The following PDCD1LG2 variants were observed in gnomAD, a reference collection of about 807,000 sequenced individuals.
The protein encoded by PDCD1LG2 is B7 dendritic cell molecule.
A neutral mutation model predicts 28.2 loss-of-function variants in PDCD1LG2; 32 were observed. The observed-to-expected ratio is 1.13, with a 90% CI of 0.86 to 1.52. The LOEUF (loss-of-function observed/expected upper bound fraction) is 1.52. Among genes scored for constraint, PDCD1LG2 ranks in the 40% most tolerant of loss-of-function variants. The probability of loss-of-function intolerance (pLI) is 0.00; values close to 1 mark genes in which losing one functional copy is unlikely to be tolerated. For missense variants in PDCD1LG2, 385 were observed against 323.8 expected (o/e 1.19, Z -1.45); for synonymous variants, 116 against 120.2 (o/e 0.97, Z 0.23).
chr9:5,549,369 G>A lies in PDCD1LG2; in HGVS notation c.396G>A (p.Lys132=), dbSNP rs1816276419. 2.5e-6 allele frequency: 4 copies of A among 1,613,998 alleles called. 1 individual carries two copies. The South Asian group carries it at 3.3e-5, about 13-fold the overall frequency. The part of the protein sequence containing the change: ...SYRKINTHIL[K]VPETDEVELT... ...GGAAAATAAACACTCACATCCTAAA[G>A]GTTCCAGAAACAGATGAGGTAGAGC... Residue 132 remains lysine (K), a synonymous_variant, in exon 4 of 7, where the codon AAG becomes AAA. Coordinates refer to ENST00000397747, the MANE Select transcript of PDCD1LG2 (RefSeq NM_025239.4).
At chr9:5,512,644 C>G (rs1820083883) in intron 1 of PDCD1LG2, among the ~76,000 whole-genome samples, 1 of 152,184 alleles carries the variant, frequency 6.6e-6, no homozygotes, top group Non-Finnish European at 1.5e-5. Flanking sequence ...TCAATATTAA[C>G]TAACATTTCC....
At chr9:5,521,059 C>T (rs557350260) in intron 1 of PDCD1LG2, among the ~76,000 whole-genome samples, 19 of 152,242 alleles carry the variant, frequency 1.2e-4, no homozygotes, top group South Asian at 2.1e-4. Context: ...CTGATATATG[C>T]TACAATACAG....
At chr9:5,560,387 T>C (rs1285861301) in intron 5 of PDCD1LG2, among the ~76,000 whole-genome samples, 3 of 152,234 alleles carry the variant, frequency 2.0e-5, no homozygotes, top group African/African-American at 7.2e-5. Context: ...AGTTGCTGTC[T>C]ACTCCGGCCA....
rs576795425 is a variant in PDCD1LG2, at chr9:5,567,927, G to A, written c.817-2027G>A. 2.5e-3 allele frequency among the ~76,000 whole-genome samples: 379 copies of A among 152,262 alleles called. 2 individuals are homozygous for A. The highest frequency in any genetic ancestry group is 4.4e-3 in the Non-Finnish European group (302 of 68,002). ...TATATACTTTTGGTCCAGTCTTTAC[G>A]TTTTTTGTTTTGTTTTGTTTGTTTT... is the stretch of plus-strand genomic sequence containing the variant. On this transcript the variant is annotated intron_variant, in intron 6 of 6. Coordinates refer to ENST00000397747, the MANE Select transcript of PDCD1LG2 (RefSeq NM_025239.4).
chr9:5,541,836 T>C (rs1424068152), intron 3 of PDCD1LG2, among the ~76,000 whole-genome samples: 2 of 151,968 alleles, frequency 1.3e-5, no homozygotes, highest in South Asian at 2.1e-4. Flanking sequence ...AATCCTAAAA[T>C]TCATATGGAA....
intron 3 of PDCD1LG2, among the ~76,000 whole-genome samples, chr9:5,540,460 G>C (rs997900613): frequency 2.6e-5 from 4 of 151,942 alleles, no homozygotes; most frequent in Non-Finnish European, 4.4e-5. Flanking sequence ...TATTTGAAAA[G>C]ATAAATAAAA....
At chr9:5,542,437 T>A (rs866012128) in intron 3 of PDCD1LG2, among the ~76,000 whole-genome samples, 15 of 152,196 alleles carry the variant, frequency 9.9e-5, no homozygotes, top group African/African-American at 2.4e-4. Flanking sequence ...AATCTATACA[T>A]CTGACAAAGG....
At chr9:5,545,566 G>A (rs935789780) in intron 3 of PDCD1LG2, among the ~76,000 whole-genome samples, 1 of 152,158 alleles carries the variant, frequency 6.6e-6, no homozygotes, top group Non-Finnish European at 1.5e-5. Context: ...ATAAAAGAGT[G>A]AGTTCTAAAG....
In PDCD1LG2 at chr9:5,530,082, A is replaced by C. The variant is rs142884588; in HGVS notation, c.56-4663A>C. ...GATAAAATATAAACTTAGTTTCAAG[A>C]GGAAGCTATCTTGGGAGGTAATGCA... On this transcript the variant is annotated intron_variant, in intron 2 of 6. Coordinates refer to ENST00000397747, the MANE Select transcript of PDCD1LG2 (RefSeq NM_025239.4). 6.1e-3 allele frequency among the ~76,000 whole-genome samples: 924 copies of C among 152,052 alleles called. 10 individuals carry two copies. Among genetic ancestry groups the C allele is most frequent in the Non-Finnish European group, 8.4e-3 (573 of 67,974 alleles).
chr9:5,557,926 C>T (rs116794498), intron 5 of PDCD1LG2, among the ~76,000 whole-genome samples, 174 bp downstream of exon 5: 259 of 152,270 alleles, frequency 1.7e-3, no homozygotes, highest in African/African-American at 5.8e-3. Context: ...TGGCTCTCAT[C>T]GTCAGTGAGC....
intron 3 of PDCD1LG2, among the ~76,000 whole-genome samples, chr9:5,547,285 C>T (rs189626435): frequency 2.0e-4 from 31 of 152,282 alleles, no homozygotes; most frequent in Non-Finnish European, 4.4e-4. Flanking sequence ...TACTTCAAGA[C>T]TACACTTACT....
At chr9:5,534,583 G>C (rs1008264341) in intron 2 of PDCD1LG2, among the ~76,000 whole-genome samples, 162 bp from the exon 3 acceptor site, 1 of 152,240 alleles carries the variant, frequency 6.6e-6, no homozygotes, top group Non-Finnish European at 1.5e-5. Context: ...CTCTTGCCCA[G>C]ATGGATGGGG....
chr9:5,565,665 G>C (rs1377760256), intron 6 of PDCD1LG2, among the ~76,000 whole-genome samples: 1 of 152,056 alleles, frequency 6.6e-6, no homozygotes, highest in Non-Finnish European at 1.5e-5. Context: ...AATAAAGTGG[G>C]ATATTAGTGT....
At position 5,557,741 on chromosome 9, in the gene PDCD1LG2, A is replaced by T. The variant is rs766974769; in HGVS notation, c.755A>T (p.Tyr252Phe). 3 of 1,613,978 alleles carry T rather than the reference A, an allele frequency of 1.9e-6. No individual in the cohort carries two copies. The highest frequency in any genetic ancestry group is 2.5e-6 in the Non-Finnish European group (3 of 1,179,856). Residue 252 changes from tyrosine to phenylalanine, a missense_variant, in exon 5 of 7, where the codon TAT becomes TTT. Coordinates refer to ENST00000397747, the MANE Select transcript of PDCD1LG2 (RefSeq NM_025239.4). Reference protein sequence around the residue: ...ALRKQLCQKLYSSKDTTKRPV... With the variant: ...ALRKQLCQKLFSSKDTTKRPV... ...AGAAAACAACTCTGTCAAAAGCTGT[A>T]TTCTTCAAAAGGTAAGTGAGTTTTA...
At chr9:5,557,594 T>C (rs1182533854) in intron 4 of PDCD1LG2, 24 bp from the exon 5 acceptor site, 1 of 1,613,592 alleles carries the variant, frequency 6.2e-7, no homozygotes, top group Non-Finnish European at 8.5e-7. Flanking sequence ...TGTAACAGGA[T>C]TCTGGTGCTT....
intron 2 of PDCD1LG2, among the ~76,000 whole-genome samples, chr9:5,528,963 A>C (rs368224267): frequency 6.6e-6 from 1 of 152,280 alleles, no homozygotes; most frequent in Non-Finnish European, 1.5e-5. Context: ...TTCTGACCTC[A>C]AGTGGCCCAC....
At position 5,562,642 on chromosome 9, in the gene PDCD1LG2, TAA is replaced by T. The variant is rs55986223; in HGVS notation, c.767-511_767-510del. ...ACCTGTACCCCTAAACCTATTGATATAAAAAAAAAATTAAAAGAAAGATGTGA... is the reference window on the plus strand; with the variant it reads ...ACCTGTACCCCTAAACCTATTGATATAAAAAAAATTAAAAGAAAGATGTGA... On this transcript the variant is annotated intron_variant, in intron 5 of 6. Coordinates refer to ENST00000397747, the MANE Select transcript of PDCD1LG2 (RefSeq NM_025239.4). Among the ~76,000 whole-genome samples, 392 of 151,886 alleles carry T rather than the reference TAA, an allele frequency of 2.6e-3. 6 individuals carry two copies. Among genetic ancestry groups the T allele is most frequent in the African/African-American group, 9.0e-3 (371 of 41,392 alleles).
At chr9:5,554,658 G>A (rs1475430973) in intron 4 of PDCD1LG2, among the ~76,000 whole-genome samples, 1 of 152,190 alleles carries the variant, frequency 6.6e-6, no homozygotes, top group Non-Finnish European at 1.5e-5. Flanking sequence ...GGTTTCTTCT[G>A]CTCAGCCAGT....
At chr9:5,547,923 C>T (rs865804817) in intron 3 of PDCD1LG2, among the ~76,000 whole-genome samples, 3 of 128,776 alleles carry the variant, frequency 2.3e-5, no homozygotes, top group African/African-American at 6.4e-5. Flanking sequence ...GGGTGACGAG[C>T]GAAACTCTGT....
Sources: allele counts gnomAD v4.1 joint callset (sites outside exome capture counted in the v4.1 genomes callset), GRCh38; gene constraint gnomAD v4.1.1; transcripts MANE v1.5; gene names NCBI Gene and HGNC (gene_info 2026-07-23, HGNC 2026-07-21).